Variants in ACTN4 observed in about 807,000 individuals in gnomAD.
ACTN4 encodes the protein actinin alpha 4, also known as alpha-actinin-4.
A neutral mutation model predicts 114.2 loss-of-function variants in ACTN4; 18 were observed. The ratio of observed to expected loss-of-function variants is 0.16; its 90% CI spans 0.11 to 0.23. The LOEUF (loss-of-function observed/expected upper bound fraction) is 0.23, where lower values mean the gene tolerates loss of function less well. Among genes scored for constraint, ACTN4 ranks in the 10% least tolerant of loss-of-function variants. The probability of loss-of-function intolerance (pLI) is 1.00; values close to 1 mark genes in which losing one functional copy is unlikely to be tolerated. For missense variants in ACTN4, 722 were observed against 1,262.9 expected (o/e 0.57, Z 6.49); for synonymous variants, 515 against 506.3 (o/e 1.02, Z -0.23).
At position 38,731,182 on chromosome 19, in the gene ACTN4, G is replaced by C; in HGVS notation, c.*1750G>C. ...ACACGCAGACGGCTATCCCGGTAGC[G>C]GCTGGTGAGGGTCTGGGTCAGCTGG... On this transcript the variant is annotated 3_prime_UTR_variant, in exon 21 of 21. Coordinates refer to ENST00000252699, the MANE Select transcript of ACTN4 (RefSeq NM_004924.6). 6.2e-7 allele frequency: 1 copy of C among 1,612,968 alleles called. No homozygotes were observed. The highest frequency in any genetic ancestry group is 1.3e-5 in the African/African-American group (1 of 75,042).
Position 38,681,468 on chromosome 19 carries a change from G to A in ACTN4, c.163-19132G>A, listed in dbSNP as rs555890205. Among the ~76,000 whole-genome samples the A allele has an allele frequency of 2.6e-5, 4 of 152,252 alleles. No homozygotes were observed. In the South Asian group the frequency reaches 6.2e-4, roughly 24 times the overall value. The stretch of plus-strand genomic sequence containing the variant: ...TTCAGTCTCTCCACCTTCTGGCCCC[G>A]GCTGACACCATCCCTGCCACTTCTC... On this transcript the variant is annotated intron_variant, in intron 1 of 20. Transcript: ENST00000252699.
rs1464705897 is a variant in ACTN4, at chr19:38,731,108, G to A, written c.*1676G>A. ...CCACCATGCCGGGGTGGTACTCACA[G>A]AAGATGCAGGTGAGGTGGGCCACAC... On this transcript the variant is annotated 3_prime_UTR_variant, in exon 21 of 21. Transcript: ENST00000252699. The A allele has an allele frequency of 1.2e-6, 2 of 1,610,624 alleles. No individual in the cohort carries two copies. The highest frequency in any genetic ancestry group is 1.7e-6 in the Non-Finnish European group (2 of 1,179,072).
At chr19:38,728,277 G>T (rs1211903353) in intron 19 of ACTN4, 1 of 1,535,850 alleles carries the variant, frequency 6.5e-7, no homozygotes, top group South Asian at 1.2e-5. Flanking sequence ...GCCTACTCTG[G>T]GCCCGGCCTC....
At chr19:38,651,872 C>T (rs1261525477) in intron 1 of ACTN4, among the ~76,000 whole-genome samples, 1 of 152,114 alleles carries the variant, frequency 6.6e-6, no homozygotes, top group Non-Finnish European at 1.5e-5. Flanking sequence ...GCTGGGACTA[C>T]AGGCGTGTGC....
At chr19:38,664,681 T>C (rs1966902781) in intron 1 of ACTN4, among the ~76,000 whole-genome samples, 1 of 152,072 alleles carries the variant, frequency 6.6e-6, no homozygotes, top group Admixed American at 6.5e-5. Flanking sequence ...TGCAGTGCCA[T>C]GAAGGAGAGG....
At chr19:38,722,493 C>T (rs1470065664) in intron 12 of ACTN4, among the ~76,000 whole-genome samples, 3 of 152,234 alleles carry the variant, frequency 2.0e-5, no homozygotes, top group Non-Finnish European at 4.4e-5. Flanking sequence ...AGCCCTGATG[C>T]CCCAGTGGAG....
At position 38,727,766 on chromosome 19, in the gene ACTN4, G is replaced by A. The variant is rs1189392268; in HGVS notation, c.2338-180G>A. On this transcript the variant is annotated intron_variant, in intron 18 of 20. Coordinates refer to ENST00000252699, the MANE Select transcript of ACTN4 (RefSeq NM_004924.6). This position sits in a 1 kb window ranked among gnomAD's most constrained non-coding sequence, Gnocchi z 5.4. ...TCCGAGGTTGGGGAAAGGATGAAAGGGGCCCGTGCCGCCCCCGACCCCACG... is the reference window on the plus strand; with the variant it reads ...TCCGAGGTTGGGGAAAGGATGAAAGAGGCCCGTGCCGCCCCCGACCCCACG... The A allele has an allele frequency of 1.6e-6, 1 of 628,782 alleles. No homozygotes were observed. Among genetic ancestry groups the A allele is most frequent in the Non-Finnish European group, 2.8e-6 (1 of 354,120 alleles). The allele number at this position is 628,782 out of a possible 1,614,324, so 39.0% of individuals were successfully genotyped here. A position where few individuals can be genotyped will look rare whatever the true frequency, so the allele number is the denominator to read the frequency against.
chr19:38,701,353 A>C (rs1263552262), intron 3 of ACTN4, among the ~76,000 whole-genome samples: 1 of 152,172 alleles, frequency 6.6e-6, no homozygotes, highest in Non-Finnish European at 1.5e-5. Flanking sequence ...AAATCTAGGA[A>C]GTGCAACCCA....
chr19:38,670,649 G>C (rs960419349), intron 1 of ACTN4, among the ~76,000 whole-genome samples: 2 of 152,148 alleles, frequency 1.3e-5, no homozygotes, highest in Non-Finnish European at 2.9e-5. Context: ...ACCTGGCCGG[G>C]TACAGTGGCT....
intron 4 of ACTN4, among the ~76,000 whole-genome samples, chr19:38,705,679 A>T (rs2145012448): frequency 6.6e-6 from 1 of 152,358 alleles, no homozygotes; most frequent in East Asian, 1.9e-4. Flanking sequence ...CAAGGCCGGT[A>T]TCAAGGGCCT....
chr19:38,682,789 C>T (rs536586970), intron 1 of ACTN4, among the ~76,000 whole-genome samples: 5 of 152,318 alleles, frequency 3.3e-5, no homozygotes. Flanking sequence ...CTCACCAGGC[C>T]CGAGTTCCCA....
At chr19:38,658,773 C>G (rs993675843) in intron 1 of ACTN4, among the ~76,000 whole-genome samples, 1 of 152,128 alleles carries the variant, frequency 6.6e-6, no homozygotes, top group African/African-American at 2.4e-5. Context: ...TTCAGATATT[C>G]AAGTCCTGGA....
chr19:38,652,147 G>C (rs959446206), intron 1 of ACTN4, among the ~76,000 whole-genome samples: 5 of 152,126 alleles, frequency 3.3e-5, no homozygotes, highest in African/African-American at 9.6e-5. Context: ...TTAGGATCTG[G>C]CTAGGACTAA....
At chr19:38,726,305 AG>A (rs1031603863) in intron 17 of ACTN4, among the ~76,000 whole-genome samples, 3 of 151,716 alleles carry the variant, frequency 2.0e-5, no homozygotes, top group African/African-American at 7.3e-5. Context: ...AAAAAAAAAA[AG>A]ATTGAAAAGA....
At chr19:38,705,891 C>G (rs17589415) in intron 4 of ACTN4, among the ~76,000 whole-genome samples, 153 bp from the exon 5 acceptor site, 1 of 152,280 alleles carries the variant, frequency 6.6e-6, no homozygotes, top group South Asian at 2.1e-4. Context: ...GTGGCTGTCC[C>G]GCTGCTATCA....
intron 1 of ACTN4, among the ~76,000 whole-genome samples, chr19:38,664,914 G>T (rs1262450791): frequency 6.6e-6 from 1 of 152,154 alleles, no homozygotes; most frequent in Non-Finnish European, 1.5e-5. Context: ...TTTTTCTGGG[G>T]AAGTTAAAGG....
rs952458444 is a variant in ACTN4, at chr19:38,727,221, C to T, written c.2337+118C>T. Reference sequence around the variant, plus strand: ...CACAGTTGCTGAGCGTCGGCCGCCACTCCCAGGGCCAGCAGGGCCCTGCCA... The same window carrying T: ...CACAGTTGCTGAGCGTCGGCCGCCATTCCCAGGGCCAGCAGGGCCCTGCCA... On this transcript the variant is annotated intron_variant, in intron 18 of 20. Transcript: ENST00000252699. This position sits in a 1 kb window ranked among gnomAD's most constrained non-coding sequence, Gnocchi z 5.4. 2 of 1,486,368 alleles carry T rather than the reference C, an allele frequency of 1.3e-6. No homozygotes were observed. Among genetic ancestry groups the T allele is most frequent in the Non-Finnish European group, 1.8e-6 (2 of 1,088,432 alleles). The allele number at this position is 1,486,368 out of a possible 1,614,324, so 92.1% of individuals were successfully genotyped here.
chr19:38,719,043 C>A (rs926922043), intron 11 of ACTN4, among the ~76,000 whole-genome samples: 4 of 152,256 alleles, frequency 2.6e-5, no homozygotes, highest in African/African-American at 4.8e-5. Flanking sequence ...CTGGCTCCCC[C>A]TGCAGGAGCG....
chr19:38,661,844 G>T (rs983303367), intron 1 of ACTN4, among the ~76,000 whole-genome samples: 1 of 152,112 alleles, frequency 6.6e-6, no homozygotes, highest in Non-Finnish European at 1.5e-5. Flanking sequence ...TGTAGAGACG[G>T]GGTTTCACCG....
Sources: allele counts gnomAD v4.1 joint callset (sites outside exome capture counted in the v4.1 genomes callset), GRCh38; gene constraint gnomAD v4.1.1; non-coding constraint Gnocchi (gnomAD v3.1); transcripts MANE v1.5; gene names NCBI Gene and HGNC (gene_info 2026-07-23, HGNC 2026-07-21).